Variants in PXMP2 observed in about 807,000 individuals in gnomAD.
PXMP2 encodes the protein 22 kDa peroxisomal membrane protein.
In PXMP2, 13 loss-of-function variants were observed where a neutral mutation model predicts 20.2. That is an observed-to-expected ratio of 0.64 (90% CI 0.42 to 1.02). The LOEUF (loss-of-function observed/expected upper bound fraction) is 1.02, where lower values mean the gene tolerates loss of function less well. Ranked by LOEUF, PXMP2 falls within the 50% of genes least tolerant of loss-of-function variation. The probability of loss-of-function intolerance (pLI) is 0.00; values close to 1 mark genes in which losing one functional copy is unlikely to be tolerated. For missense variants in PXMP2, 284 were observed against 251.8 expected (o/e 1.13, Z -0.87); for synonymous variants, 113 against 111.2 (o/e 1.02, Z -0.10).
intron 3 of PXMP2, among the ~76,000 whole-genome samples, chr12:132,699,834 G>A (rs1475608859): frequency 2.6e-5 from 4 of 152,180 alleles, no homozygotes; most frequent in East Asian, 1.9e-4. Context: ...ATAAACACAC[G>A]AGGGCAGGGA....
intron 4 of PXMP2, 37 bp from the exon 5 acceptor site, chr12:132,704,582 C>T (rs368947104): frequency 2.2e-5 from 31 of 1,392,534 alleles, no homozygotes; most frequent in Admixed American, 1.8e-4. Context: ...CACGGCCTCC[C>T]GCTGACCGTG....
intron 1 of PXMP2, chr12:132,688,002 C>T (rs1565987735): frequency 1.4e-5 from 5 of 359,324 alleles, no homozygotes; most frequent in Admixed American, 5.8e-5. Flanking sequence ...GCGGATCCCG[C>T]CCTCCCAGCG....
intron 1 of PXMP2, 106 bp downstream of exon 1, chr12:132,687,898 C>G: frequency 9.8e-7 from 1 of 1,020,092 alleles, no homozygotes; most frequent in South Asian, 4.6e-5. Flanking sequence ...GGGGCGCGCC[C>G]GGGTCAGAAC....
intron 4 of PXMP2, among the ~76,000 whole-genome samples, chr12:132,703,992 T>C (rs1169659028): frequency 1.3e-5 from 2 of 151,896 alleles, no homozygotes; most frequent in Non-Finnish European, 2.9e-5. Flanking sequence ...CCATCCTAGG[T>C]GGGTGCAGGT....
intron 1 of PXMP2, among the ~76,000 whole-genome samples, chr12:132,689,427 G>C (rs1462358125): frequency 6.6e-6 from 1 of 152,184 alleles, no homozygotes; most frequent in African/African-American, 2.4e-5. Flanking sequence ...TCTCTGTTAG[G>C]TTTTGAAGGG....
intron 2 of PXMP2, among the ~76,000 whole-genome samples, chr12:132,694,054 A>G (rs1489689295): frequency 2.3e-5 from 2 of 87,230 alleles, no homozygotes; most frequent in Non-Finnish European, 4.8e-5. Flanking sequence ...CAGTTAGTTA[A>G]GTGAGCGCCC....
chr12:132,694,314 CTCCCTTAGT>C (rs2136062850), intron 2 of PXMP2, among the ~76,000 whole-genome samples: 2 of 105,194 alleles, frequency 1.9e-5, no homozygotes, highest in East Asian at 2.8e-4. Context: ...AGTTAGTGAG[CTCCCTTAGT>C]CAGTTAGTTA....
chr12:132,694,168 TAGTG>T (rs2043392771), intron 2 of PXMP2, among the ~76,000 whole-genome samples: 2 of 120,964 alleles, frequency 1.7e-5, no homozygotes, highest in Admixed American at 1.5e-4. Flanking sequence ...CTTAGCCAGT[TAGTG>T]AGCTCCCTTA....
In PXMP2 at chr12:132,690,267, A is replaced by T; in HGVS notation, c.127A>T (p.Ile43Phe). ...PVLTKAATSGILSALGNFLAQ... is the reference protein window; with the variant it reads ...PVLTKAATSGFLSALGNFLAQ... ...TGATGACCTCCCTCTCCACAGTGGC[A>T]TTTTGTCAGCACTTGGGAACTTCCT... The change falls in exon 2 of 5, where the codon ATT becomes TTT. Residue 43 changes from isoleucine (I) to phenylalanine (F), a missense_variant. Coordinates refer to ENST00000317479, the MANE Select transcript of PXMP2 (RefSeq NM_018663.3). 1 of 1,613,580 alleles carries T rather than the reference A, an allele frequency of 6.2e-7. No homozygotes were observed. The highest frequency in any genetic ancestry group is 1.1e-5 in the South Asian group (1 of 91,054).
chr12:132,699,034 CT>C (rs1242093116), intron 3 of PXMP2, among the ~76,000 whole-genome samples: 6 of 152,136 alleles, frequency 3.9e-5, no homozygotes, highest in African/African-American at 1.2e-4. Context: ...GAAGTCTGAG[CT>C]TTTACTTCCC....
In PXMP2 at chr12:132,696,768, C is replaced by G. The variant is rs549939919; in HGVS notation, c.399+722C>G. ...TGAGCCGAGATGTCGCCACTGCACT[C>G]TAGCCTGGGTAATAGAGCCAGACTC... On this transcript the variant is annotated intron_variant, in intron 3 of 4. Coordinates refer to ENST00000317479, the MANE Select transcript of PXMP2 (RefSeq NM_018663.3). This position sits in a 1 kb window ranked among gnomAD's most constrained non-coding sequence, Gnocchi z 4.4. 5.9e-5 allele frequency among the ~76,000 whole-genome samples: 9 copies of G among 152,232 alleles called. No individual in the cohort carries two copies. The highest frequency in any genetic ancestry group is 8.8e-5 in the Non-Finnish European group (6 of 68,028).
At chr12:132,692,796 G>C (rs368268740) in intron 2 of PXMP2, among the ~76,000 whole-genome samples, 3,755 of 95,002 alleles carry the variant, frequency 0.04, no homozygotes, top group Non-Finnish European at 0.061. Context: ...CAGTTAGTTA[G>C]TGAGCTCCCT....
At chr12:132,693,611 GCGCCCTTGC>G (rs1421488695) in intron 2 of PXMP2, among the ~76,000 whole-genome samples, 4 of 68,966 alleles carry the variant, frequency 5.8e-5, no homozygotes, top group Non-Finnish European at 6.4e-5. Context: ...TAGTTAGTGA[GCGCCCTTGC>G]CAGTCAGTGA....
chr12:132,694,769 TGCCCTTGCCAGTTAGTTAGTGAGC>T (rs1437477306), intron 2 of PXMP2, among the ~76,000 whole-genome samples: 3 of 114,280 alleles, frequency 2.6e-5, no homozygotes, highest in Non-Finnish European at 3.6e-5. Context: ...AGTTAGTGAG[TGCCCTTGCCAGTTAGTTAGTGAGC>T]GCCCTTGCCA....
At chr12:132,700,198 T>C (rs1345644313) in intron 3 of PXMP2, among the ~76,000 whole-genome samples, 1 of 152,002 alleles carries the variant, frequency 6.6e-6, no homozygotes, top group East Asian at 1.9e-4. Flanking sequence ...CACGCCACCA[T>C]GCCCAACTAA....
intron 4 of PXMP2, among the ~76,000 whole-genome samples, chr12:132,703,706 A>C (rs1258386655): frequency 6.6e-6 from 1 of 151,866 alleles, no homozygotes. Flanking sequence ...CTGACTGCAG[A>C]GACAAAGACC....
chr12:132,704,772 G>A lies in PXMP2; in HGVS notation c.*85G>A, dbSNP rs765508146. 2.6e-5 allele frequency: 33 copies of A among 1,280,402 alleles called. No individual in the cohort carries two copies. The South Asian group carries it at 4.0e-4, about 16-fold the overall frequency. The allele number at this position is 1,280,402 out of a possible 1,614,324, so 79.3% of individuals were successfully genotyped here. On this transcript the variant is annotated 3_prime_UTR_variant, in exon 5 of 5. Coordinates refer to ENST00000317479, the MANE Select transcript of PXMP2 (RefSeq NM_018663.3). ...AGCGAGAGCAGAACCAATCCAGTCA[G>A]GATGTCACTGACTCTAAATCAGGTG...
Position 132,696,322 on chromosome 12 carries a change from A to T in PXMP2, c.399+276A>T, listed in dbSNP as rs778956150. On this transcript the variant is annotated intron_variant, in intron 3 of 4. Coordinates refer to ENST00000317479, the MANE Select transcript of PXMP2 (RefSeq NM_018663.3). This position sits in a 1 kb window ranked among gnomAD's most constrained non-coding sequence, Gnocchi z 4.4. ...ACAATCATAGCTCACTGCAAACCTC[A>T]AACTCCTGGGTTCAAGCGATCCTCT... Among the ~76,000 whole-genome samples, 14 of 152,068 alleles carry T rather than the reference A, an allele frequency of 9.2e-5. No homozygotes were observed. The highest frequency in any genetic ancestry group is 1.9e-4 in the Non-Finnish European group (13 of 68,020).
intron 3 of PXMP2, among the ~76,000 whole-genome samples, chr12:132,697,221 G>A (rs1385642023): frequency 6.6e-6 from 1 of 151,530 alleles, no homozygotes; most frequent in Non-Finnish European, 1.5e-5. Flanking sequence ...AGATGTGGAG[G>A]CTGCAGTGAG....
Sources: gnomAD v4.1 joint callset for allele counts (sites outside exome capture counted in the v4.1 genomes callset) on GRCh38, gnomAD v4.1.1 for gene constraint, Gnocchi (gnomAD v3.1) non-coding constraint, MANE v1.5 for transcripts, NCBI Gene and HGNC (gene_info 2026-07-23, HGNC 2026-07-21) for gene names.